The following EPB41L4A variants were observed in gnomAD, a reference collection of about 807,000 sequenced individuals.
The protein encoded by EPB41L4A is erythrocyte membrane protein band 4.1 like 4A, also known as band 4.1-like protein 4A.
In EPB41L4A, 100 loss-of-function variants were observed where a neutral mutation model predicts 108.6. The ratio of observed to expected loss-of-function variants is 0.92; its 90% confidence interval spans 0.78 to 1.09. The LOEUF (loss-of-function observed/expected upper bound fraction) is 1.09. Ranked by LOEUF, EPB41L4A falls within the 50% of genes least tolerant of loss-of-function variation. The probability of loss-of-function intolerance (pLI) is 0.00; values close to 1 mark genes in which losing one functional copy is unlikely to be tolerated. For missense variants in EPB41L4A, 1,030 were observed against 842.7 expected, an observed-to-expected ratio of 1.22 and a Z score of -2.75; for synonymous variants, 319 against 289.0, an observed-to-expected ratio of 1.10 and a Z score of -1.05.
chr5:112,298,169 T>C (rs1281935798), intron 2 of EPB41L4A, among the ~76,000 whole-genome samples: 6 of 152,130 alleles, frequency 3.9e-5, no homozygotes, highest in Admixed American at 3.3e-4. Context: ...TGAAGAATGA[T>C]GGTGGTATTT....
chr5:112,204,482 G>A lies in EPB41L4A; in HGVS notation c.1269C>T (p.Leu423=), dbSNP rs1762374960. 6.2e-7 allele frequency: 1 copy of A among 1,608,194 alleles called. No individual in the cohort carries two copies. Among genetic ancestry groups the A allele is most frequent in the Non-Finnish European group, 8.5e-7 (1 of 1,174,762 alleles). Residue 423 remains leucine, a synonymous_variant, in exon 15 of 23, where the codon CTC becomes CTT. Coordinates refer to ENST00000261486, the MANE Select transcript of EPB41L4A (RefSeq NM_022140.5). ...TAGTGCGATCACTGGGAGAATTGTA[G>A]AGTCCACTGGAGAGAAAGAAAAATG... ...PWEENGPQSG[L]YNSPSDRTKS... is the part of the protein sequence containing the mutation.
chr5:112,209,973 C>A lies in EPB41L4A; in HGVS notation c.1097G>T (p.Ser366Ile), dbSNP rs890757. ...IAQTQPAESN[S>I]ISRITANMEN... Reference sequence around the variant, plus strand: ...CATGTTTGCAGTTATCCTACTGATGCTGTTTGATTCTAGCAGAGGAGGAGA... The same window carrying A: ...CATGTTTGCAGTTATCCTACTGATGATGTTTGATTCTAGCAGAGGAGGAGA... The change falls in exon 13 of 23, where the codon AGC (serine) becomes ATC (isoleucine). Residue 366 changes from serine to isoleucine, a missense_variant. Physicochemically the swap from Ser to Ile is moderately radical, Grantham distance 142. Coordinates refer to ENST00000261486, the MANE Select transcript of EPB41L4A (RefSeq NM_022140.5). 3 of 1,582,734 alleles carry A rather than the reference C, an allele frequency of 1.9e-6. No homozygotes were observed. The highest frequency in any genetic ancestry group is 1.3e-5 in the African/African-American group (1 of 74,148).
chr5:112,307,240 G>T (rs936375284), intron 2 of EPB41L4A, 146 bp downstream of exon 2: 4 of 591,098 alleles, frequency 6.8e-6, no homozygotes, highest in Non-Finnish European at 1.2e-5. Flanking sequence ...AAAATGCAAA[G>T]AAATTATCAG....
intron 17 of EPB41L4A, among the ~76,000 whole-genome samples, chr5:112,193,769 C>T (rs768673399): frequency 2.6e-5 from 4 of 152,222 alleles, no homozygotes; most frequent in Non-Finnish European, 5.9e-5. Flanking sequence ...CGATGTTTAG[C>T]AGCATCCTTG....
At chr5:112,314,378 T>C (rs1468768055) in intron 1 of EPB41L4A, among the ~76,000 whole-genome samples, 1 of 151,158 alleles carries the variant, frequency 6.6e-6, no homozygotes, top group African/African-American at 2.4e-5. Context: ...AGAAAAGATA[T>C]GGAAGTCAGC....
At chr5:112,419,685 G>C, upstream of EPB41L4A, 1 of 456,648 alleles carries the variant, frequency 2.2e-6, no homozygotes, top group Non-Finnish European at 4.4e-6. Context: ...TCGTCGCTCC[G>C]TCCGCTACCC....
chr5:112,205,450 A>T lies in EPB41L4A; in HGVS notation c.1233T>A (p.His411Gln). The T allele has an allele frequency of 6.2e-7, 1 of 1,614,028 alleles. No homozygotes were observed. Among genetic ancestry groups the T allele is most frequent in the Non-Finnish European group, 8.5e-7 (1 of 1,179,938 alleles). ...GGGGGCCATTTTCTTCCCACGGTGC[A>T]TGAGATTTGCTTCTTTGGGTATCAG... The part of the protein sequence containing the change: ...NSPDTQRSKS[H>Q]APWEENGPQS... The change falls in exon 14 of 23, where the codon CAT becomes CAA. Residue 411 changes from histidine (H) to glutamine (Q), a missense_variant. Transcript: ENST00000261486.
At chr5:112,260,602 T>A (rs1428494689) in intron 7 of EPB41L4A, among the ~76,000 whole-genome samples, 1 of 152,214 alleles carries the variant, frequency 6.6e-6, no homozygotes, top group Non-Finnish European at 1.5e-5. Flanking sequence ...TGTTTCTTCC[T>A]ACTTCCACCT....
chr5:112,408,070 A>T (rs1023035992), intron 1 of EPB41L4A, among the ~76,000 whole-genome samples: 3 of 152,242 alleles, frequency 2.0e-5, no homozygotes, highest in African/African-American at 7.2e-5. Context: ...CATGTAGATC[A>T]ATGGGATAGA....
At chr5:112,349,944 G>T (rs972681944) in intron 1 of EPB41L4A, among the ~76,000 whole-genome samples, 1 of 152,184 alleles carries the variant, frequency 6.6e-6, no homozygotes, top group Non-Finnish European at 1.5e-5. Context: ...AAAAAGTAGT[G>T]GCAAAGATCA....
At chr5:112,314,608 AC>A (rs1442174622) in intron 1 of EPB41L4A, among the ~76,000 whole-genome samples, 3 of 150,988 alleles carry the variant, frequency 2.0e-5, no homozygotes, top group Non-Finnish European at 2.9e-5. Flanking sequence ...GGAGATTAAG[AC>A]CATCCTGGCT....
chr5:112,240,988 C>G lies in EPB41L4A; in HGVS notation c.796-178G>C, dbSNP rs577651212. On this transcript the variant is annotated intron_variant, in intron 9 of 22. Transcript: ENST00000261486. ...GAGGTGCATTAAAATCACCTTCCAT[C>G]GATTAAAATTTTATAAATTACACTT... 9.2e-5 allele frequency among the ~76,000 whole-genome samples: 14 copies of G among 152,176 alleles called. No individual in the cohort carries two copies. In the South Asian group the frequency reaches 2.9e-3, roughly 32 times the overall value.
Position 112,163,808 on chromosome 5 carries a change from G to A in EPB41L4A, c.*1182C>T, listed in dbSNP as rs1760064995. 6.6e-6 allele frequency: 1 copy of A among 152,142 alleles called. No individual in the cohort carries two copies. The highest frequency in any genetic ancestry group is 6.5e-5 in the Admixed American group (1 of 15,274). 9.4% of individuals were successfully genotyped at this position (152,142 alleles called of 1,614,324 possible). ...ATCTTAGTCTTAAATTTAAAACCAA[G>A]TAGCAAGGATCTAGCTGAGAGAATA... is the stretch of plus-strand genomic sequence containing the variant. On this transcript the variant is annotated 3_prime_UTR_variant, in exon 23 of 23. Transcript: ENST00000261486.
At chr5:112,177,305 C>G (rs964662094) in intron 18 of EPB41L4A, among the ~76,000 whole-genome samples, 1 of 152,178 alleles carries the variant, frequency 6.6e-6, no homozygotes, top group Non-Finnish European at 1.5e-5. Context: ...AAGCCAGCAA[C>G]AGCAGGTTGA....
rs970347538 is a variant in EPB41L4A at position 112,209,913 on chromosome 5, A to G, written c.1157T>C (p.Ile386Thr). ...TGACCTTTTTACTGGTGAAGGTGCA[A>G]TAATTTTAATTGTTCCTTCATTTTC... is the stretch of plus-strand genomic sequence containing the variant. Reference protein sequence around the residue: ...NGENEGTIKIIAPSPVKSFKK... With the variant: ...NGENEGTIKITAPSPVKSFKK... The change falls in exon 13 of 23, where the codon ATT becomes ACT. Residue 386 changes from isoleucine (I) to threonine (T), a missense_variant. By Grantham distance (89) the Ile-to-Thr change is moderately conservative. Transcript: ENST00000261486. 1.3e-5 allele frequency: 21 copies of G among 1,604,396 alleles called. No homozygotes were observed. The highest frequency in any genetic ancestry group is 1.5e-5 in the Non-Finnish European group (18 of 1,172,832).
At chr5:112,393,298 A>C (rs1045897579) in intron 1 of EPB41L4A, among the ~76,000 whole-genome samples, 3 of 152,224 alleles carry the variant, frequency 2.0e-5, no homozygotes, top group Non-Finnish European at 2.9e-5. Flanking sequence ...TAATGAATCC[A>C]GGAGCTGGTT....
At chr5:112,406,184 T>C (rs910131847) in intron 1 of EPB41L4A, among the ~76,000 whole-genome samples, 55 of 152,288 alleles carry the variant, frequency 3.6e-4, no homozygotes, top group African/African-American at 1.2e-3. Flanking sequence ...AAGCACAAAA[T>C]AATCATTATC....
intron 1 of EPB41L4A, among the ~76,000 whole-genome samples, chr5:112,411,597 A>G (rs1351118230): frequency 4.0e-5 from 6 of 151,736 alleles, no homozygotes; most frequent in Admixed American, 1.3e-4. Context: ...CATGCCCCTC[A>G]GCTTACAGAT....
intron 5 of EPB41L4A, among the ~76,000 whole-genome samples, chr5:112,265,298 T>C (rs1463375016): frequency 1.3e-5 from 2 of 152,200 alleles, no homozygotes; most frequent in Admixed American, 1.3e-4. Context: ...GTATGTGAAG[T>C]AAAATGTTGT....
Sources: gnomAD v4.1 joint callset for allele counts (sites outside exome capture counted in the v4.1 genomes callset) on GRCh38, gnomAD v4.1.1 for gene constraint, MANE v1.5 for transcripts, NCBI Gene and HGNC (gene_info 2026-07-23, HGNC 2026-07-21) for gene names.